The following N4BP2L2 variants were observed in gnomAD, a reference collection of about 807,000 sequenced individuals.
The protein encoded by N4BP2L2 is NEDD4-binding protein 2-like 2.
In N4BP2L2, 50 loss-of-function variants were observed where a neutral mutation model predicts 56.2. The observed-to-expected ratio is 0.89, with a 90% CI of 0.71 to 1.13. The LOEUF is 1.13. N4BP2L2 is among the 50% of genes most tolerant of loss of function. The pLI, the probability that N4BP2L2 is intolerant of heterozygous loss-of-function variation, is 0.00. For missense variants in N4BP2L2, 689 were observed against 693.8 expected (o/e 0.99, Z 0.08); for synonymous variants, 203 against 223.6 (o/e 0.91, Z 0.82).
chr13:32,468,006 G>A (rs562578460), intron 6 of N4BP2L2, among the ~76,000 whole-genome samples: 2 of 152,132 alleles, frequency 1.3e-5, no homozygotes, highest in South Asian at 4.2e-4. Flanking sequence ...ATAGAAAAAG[G>A]AAAATAATGC....
At position 32,441,888 on chromosome 13, in the gene N4BP2L2, A is replaced by AAAATAAAT. The variant is rs201117316; in HGVS notation, c.2104+492_2104+499dup. On this transcript the variant is annotated intron_variant, in intron 7 of 9. Coordinates refer to the N4BP2L2 transcript ENST00000357505. ...GAAACCTCGTCTCTACTAAAAATAC[A>AAAATAAAT]AAATAAATAAATAAATAAATAAATA... Among the ~76,000 whole-genome samples the AAAATAAAT allele has an allele frequency of 5.3e-3, 739 of 138,898 alleles. 6 individuals are homozygous for AAAATAAAT. Among genetic ancestry groups the AAAATAAAT allele is most frequent in the African/African-American group, 0.013 (478 of 37,176 alleles). The allele number at this position is 138,898 out of a possible 152,430, so 91.1% of individuals were successfully genotyped here.
At chr13:32,494,766 T>C (rs1242687478) in intron 6 of N4BP2L2, among the ~76,000 whole-genome samples, 3 of 152,106 alleles carry the variant, frequency 2.0e-5, no homozygotes, top group African/African-American at 7.2e-5. Context: ...CCAGGTTCTC[T>C]AAAGTCGTTG....
chr13:32,536,789 C>G, exon 2 of N4BP2L2: 1 of 1,614,094 alleles, frequency 6.2e-7, no homozygotes, highest in Admixed American at 1.7e-5. Context: ...ATGCAAAGGT[C>G]TATGCAAATC....
intron 3 of N4BP2L2, chr13:32,525,279 T>A (rs996686659): frequency 1.3e-5 from 2 of 151,966 alleles, no homozygotes; most frequent in Admixed American, 6.6e-5. Flanking sequence ...AATAAAAAAA[T>A]TAATATTTTT....
At chr13:32,463,532 C>T (rs2080603474) in intron 6 of N4BP2L2, among the ~76,000 whole-genome samples, 1 of 151,876 alleles carries the variant, frequency 6.6e-6, no homozygotes, top group Non-Finnish European at 1.5e-5. Flanking sequence ...GGCATGGTGG[C>T]AGGCGCCTGT....
At chr13:32,479,395 G>A (rs2084078663) in intron 6 of N4BP2L2, among the ~76,000 whole-genome samples, 1 of 151,656 alleles carries the variant, frequency 6.6e-6, no homozygotes, top group African/African-American at 2.4e-5. Context: ...AGCCTCCTGA[G>A]TAGCTGGGAC....
chr13:32,497,588 G>C (rs1250960063), intron 6 of N4BP2L2, among the ~76,000 whole-genome samples: 1 of 152,118 alleles, frequency 6.6e-6, no homozygotes, highest in Admixed American at 6.6e-5. Context: ...CCAAACATAA[G>C]CTACACCTGA....
intron 6 of N4BP2L2, among the ~76,000 whole-genome samples, chr13:32,451,812 C>T (rs986508240): frequency 6.6e-6 from 1 of 151,638 alleles, no homozygotes; most frequent in African/African-American, 2.4e-5. Context: ...GGATTACAGG[C>T]CCAGCACACA....
intron 3 of N4BP2L2, chr13:32,522,942 A>C (rs2051406414): frequency 6.6e-6 from 1 of 152,222 alleles, no homozygotes; most frequent in Non-Finnish European, 1.5e-5. Flanking sequence ...TACCAGCAAA[A>C]CTTTATATGC....
At chr13:32,484,727 C>T (rs1024258558) in intron 6 of N4BP2L2, among the ~76,000 whole-genome samples, 149 of 152,264 alleles carry the variant, frequency 9.8e-4, no homozygotes, top group African/African-American at 3.4e-3. Context: ...TCAAGTGATC[C>T]GCAAGCCTCA....
At chr13:32,446,369 T>C (rs1316076595) in intron 6 of N4BP2L2, 1 of 1,365,580 alleles carries the variant, frequency 7.3e-7, no homozygotes, top group Non-Finnish European at 9.8e-7. Context: ...CTGATTCCAG[T>C]GAAAGTCCTA....
chr13:32,444,270 G>T, intron 6 of N4BP2L2: 1 of 592,940 alleles, frequency 1.7e-6, no homozygotes, highest in East Asian at 3.3e-5. Flanking sequence ...TTCTTTGTTT[G>T]TTTGTTTGTT....
intron 2 of N4BP2L2, among the ~76,000 whole-genome samples, chr13:32,528,080 C>CT: frequency 6.6e-6 from 1 of 152,258 alleles, no homozygotes; most frequent in East Asian, 1.9e-4. Context: ...ATAACAAAAA[C>CT]TTTTTGAAGC....
intron 6 of N4BP2L2, among the ~76,000 whole-genome samples, chr13:32,487,366 T>G (rs886582985): frequency 9.3e-5 from 14 of 151,290 alleles, no homozygotes; most frequent in Admixed American, 6.6e-4. Flanking sequence ...GTCTCAGCTA[T>G]TTGGGAGGCA....
chr13:32,442,582 C>T, exon 7 of N4BP2L2: 1 of 1,613,856 alleles, frequency 6.2e-7, no homozygotes, highest in Non-Finnish European at 8.5e-7. Flanking sequence ...AGAAGTGACT[C>T]CCAAAGAGCA....
At chr13:32,439,636 T>C (rs1055581632) in intron 7 of N4BP2L2, among the ~76,000 whole-genome samples, 21 of 152,258 alleles carry the variant, frequency 1.4e-4, no homozygotes, top group African/African-American at 4.8e-4. Context: ...TCTTCAGTTA[T>C]CACTTAAAGC....
intron 2 of N4BP2L2, among the ~76,000 whole-genome samples, chr13:32,529,501 A>C (rs2054015849): frequency 6.6e-6 from 1 of 152,222 alleles, no homozygotes; most frequent in South Asian, 2.1e-4. Context: ...CAGATAACCT[A>C]GAATATGAAA....
chr13:32,450,099 CT>C (rs906038182), intron 6 of N4BP2L2, among the ~76,000 whole-genome samples: 3 of 152,166 alleles, frequency 2.0e-5, no homozygotes, highest in African/African-American at 7.2e-5. Context: ...AAAACACATT[CT>C]TTTCATGCTC....
rs918568240 is a variant in N4BP2L2, at chr13:32,527,277, T to G, written c.1384+131A>C. The G allele has an allele frequency of 6.8e-6, 6 of 886,880 alleles. No homozygotes were observed. In the African/African-American group the frequency reaches 1.0e-4, roughly 15 times the overall value. 54.9% of individuals were successfully genotyped at this position (886,880 alleles called of 1,614,324 possible). On this transcript the variant is annotated intron_variant, in intron 3 of 5. Transcript: ENST00000267068. Reference sequence around the variant, plus strand: ...CACCACCTCTAACAGATGGAGAAATTAGGTCTCAAAGCTATTTAAACGGCT... The same window carrying G: ...CACCACCTCTAACAGATGGAGAAATGAGGTCTCAAAGCTATTTAAACGGCT...
Sources: allele counts gnomAD v4.1 joint callset (sites outside exome capture counted in the v4.1 genomes callset), GRCh38; gene constraint gnomAD v4.1.1; transcripts MANE v1.5; gene names NCBI Gene and HGNC (gene_info 2026-07-23, HGNC 2026-07-21).